The following HLA-DQA1 variants were observed in gnomAD, a reference collection of about 807,000 sequenced individuals.
HLA-DQA1 encodes major histocompatibility complex, class II, DQ alpha 1.
A neutral mutation model predicts 20.7 loss-of-function variants in HLA-DQA1; 10 were observed. The observed-to-expected ratio is 0.48, with a 90% CI of 0.30 to 0.82. HLA-DQA1 has a LOEUF of 0.82. HLA-DQA1 is among the 40% of genes least tolerant of loss of function. The pLI, the probability that HLA-DQA1 is intolerant of heterozygous loss-of-function variation, is 0.07. For synonymous variants in HLA-DQA1, 39 were observed against 109.2 expected (o/e 0.36, Z 4.01); for missense variants, 127 against 293.0 (o/e 0.43, Z 4.14).
In HLA-DQA1 at chr6:32,642,635, A is replaced by G; in HGVS notation, c.639A>G (p.Ser213=). The stretch of plus-strand genomic sequence containing the variant: ...AGCCTGAGATTCCAGCCCCTATGTC[A>G]GAGCTCACAGAGACTGTGGTCTGTG... ...HWEPEIPAPM[S]ELTETVVCAL... is the part of the protein sequence containing the mutation. The change falls in exon 4 of 5, where the codon TCA becomes TCG. Residue 213 remains serine, a synonymous_variant. Transcript: ENST00000343139. 1 of 1,366,564 alleles carries G rather than the reference A, an allele frequency of 7.3e-7. No individual in the cohort carries two copies. Among genetic ancestry groups the G allele is most frequent in the Non-Finnish European group, 1.0e-6 (1 of 993,368 alleles). The allele number at this position is 1,366,564 out of a possible 1,614,324, so 84.7% of individuals were successfully genotyped here.
chr6:32,654,515 A>G, the HLA-DQA1 span, among the ~76,000 whole-genome samples: 8,944 of 65,784 alleles, frequency 0.14, 1,271 homozygotes, highest in Middle Eastern at 0.29. Context: ...TTATCCTCCC[A>G]TATACTTTAA....
downstream of HLA-DQA1, chr6:32,643,899 G>A (rs1561954543): frequency 7.3e-6 from 1 of 136,154 alleles, no homozygotes; most frequent in Non-Finnish European, 1.6e-5. Context: ...GACATATCTA[G>A]GAGCCCTGAA....
At chr6:32,645,335 T>C (rs118128111), downstream of HLA-DQA1, 1,947 of 145,756 alleles carry the variant, frequency 0.013, 115 homozygotes, top group South Asian at 0.14. Context: ...GTTGGGGGAA[T>C]GGGGGTATGA....
At chr6:32,652,509 T>C in the HLA-DQA1 span, among the ~76,000 whole-genome samples, 73,318 of 147,716 alleles carry the variant, frequency 0.5, 18,900 homozygotes, top group Middle Eastern at 0.67. Flanking sequence ...GATCCTACTA[T>C]AGCAGTTCCT....
At chr6:32,644,695 T>C (rs987862304), downstream of HLA-DQA1, 99 of 146,980 alleles carry the variant, frequency 6.7e-4, no homozygotes, top group African/African-American at 2.4e-3. Context: ...TATGGGTGAA[T>C]TTCTTTTCAT....
chr6:32,639,493 A>G (rs76867035), intron 1 of HLA-DQA1: 11,614 of 95,656 alleles, frequency 0.12, 4,093 homozygotes, highest in Admixed American at 0.17. Flanking sequence ...CCCAAAATCT[A>G]TGTGGTCCTC....
At chr6:32,650,541 T>C (rs1341064716), downstream of HLA-DQA1, among the ~76,000 whole-genome samples, 9 of 95,134 alleles carry the variant, frequency 9.5e-5, 3 homozygotes, top group Non-Finnish European at 2.1e-4. Flanking sequence ...TGAGTTCATG[T>C]CCTTTGCAGG....
the HLA-DQA1 span, among the ~76,000 whole-genome samples, chr6:32,655,267 A>ATTTGTTTT: frequency 5.1e-4 from 49 of 95,384 alleles, no homozygotes; most frequent in African/African-American, 1.7e-3. Context: ...CTGTTTTTTA[A>ATTTGTTTT]AATCACCTCT....
rs1410997241 is a variant in HLA-DQA1 at position 32,642,017 on chromosome 6, G to C, written c.377G>C (p.Gly126Ala). The change falls in exon 3 of 5, where the codon GGT (glycine) becomes GCT (alanine). Residue 126 changes from glycine (G) to alanine (A), a missense_variant. Gly to Ala is a moderately conservative substitution (Grantham distance 60). Coordinates refer to ENST00000343139, the MANE Select transcript of HLA-DQA1 (RefSeq NM_002122.5). Reference sequence around the variant, plus strand: ...TTTTCCAAGTCTCCCGTGACACTGGGTCAGCCCAACACCCTCATTTGTCTT... The same window carrying C: ...TTTTCCAAGTCTCCCGTGACACTGGCTCAGCCCAACACCCTCATTTGTCTT... ...TVFSKSPVTL[G>A]QPNTLICLVD... 6 of 1,550,590 alleles carry C rather than the reference G, an allele frequency of 3.9e-6. No homozygotes were observed. The highest frequency in any genetic ancestry group is 2.6e-5 in the East Asian group (1 of 38,218).
At chr6:32,650,535 T>C (rs1403130576), downstream of HLA-DQA1, among the ~76,000 whole-genome samples, 1 of 94,614 alleles carries the variant, frequency 1.1e-5, no homozygotes, top group Non-Finnish European at 2.3e-5. Flanking sequence ...AAAGGATGAG[T>C]TCATGTCCTT....
chr6:32,646,104 T>TA (rs1561960073), downstream of HLA-DQA1: 2 of 135,472 alleles, frequency 1.5e-5, no homozygotes, highest in Non-Finnish European at 3.2e-5. Context: ...TAAATAGTTC[T>TA]TTTTATCAGC....
intron 2 of HLA-DQA1, among the ~76,000 whole-genome samples, 188 bp downstream of exon 2, chr6:32,641,746 C>T (rs1781438917): frequency 8.4e-6 from 1 of 118,920 alleles, no homozygotes; most frequent in South Asian, 2.7e-4. Flanking sequence ...GCAAATCCTT[C>T]TAGGAGAGGT....
At chr6:32,641,258 GTTCT>G (rs1357019603) in intron 1 of HLA-DQA1, 48 bp from the exon 2 acceptor site, 1 of 1,141,800 alleles carries the variant, frequency 8.8e-7, no homozygotes, top group Non-Finnish European at 1.2e-6. Flanking sequence ...GTGTATTAAG[GTTCT>G]TTCTTCCCCT....
At chr6:32,650,953 G>C (rs1245707542), downstream of HLA-DQA1, among the ~76,000 whole-genome samples, 1 of 83,162 alleles carries the variant, frequency 1.2e-5, no homozygotes, top group South Asian at 3.9e-4. Context: ...TAGTGCAGTG[G>C]TGCGATCTTG....
At chr6:32,655,008 A>G in the HLA-DQA1 span, among the ~76,000 whole-genome samples, 2 of 30,828 alleles carry the variant, frequency 6.5e-5, 1 homozygote, top group Non-Finnish European at 1.6e-4. Flanking sequence ...ACTCCAGTCT[A>G]AGTGACAGAG....
At chr6:32,643,895 T>A (rs1241201335), downstream of HLA-DQA1, 1 of 136,222 alleles carries the variant, frequency 7.3e-6, no homozygotes, top group Non-Finnish European at 1.6e-5. Context: ...CACAGACATA[T>A]CTAGGAGCCC....
chr6:32,654,100 GTT>G, the HLA-DQA1 span, among the ~76,000 whole-genome samples: 1 of 79,426 alleles, frequency 1.3e-5, no homozygotes, highest in South Asian at 3.7e-4. Context: ...GTTGAGCCTC[GTT>G]CAAGACCAAC....
At chr6:32,638,012 C>A (rs9272479) in intron 1 of HLA-DQA1, among the ~76,000 whole-genome samples, 3,524 of 104,362 alleles carry the variant, frequency 0.034, 151 homozygotes, top group Middle Eastern at 0.097. Flanking sequence ...CAGACTTACT[C>A]ACATTTCCAC....
downstream of HLA-DQA1, chr6:32,644,745 G>A (rs62404118): frequency 1.0e-5 from 1 of 97,882 alleles, no homozygotes; most frequent in Non-Finnish European, 2.3e-5. Context: ...CAGAATGAGA[G>A]AGGCTGAGAT....
Sources: allele counts gnomAD v4.1 joint callset (sites outside exome capture counted in the v4.1 genomes callset), GRCh38; gene constraint gnomAD v4.1.1; transcripts MANE v1.5; gene names NCBI Gene and HGNC (gene_info 2026-07-23, HGNC 2026-07-21).